TNFRSF10D: variants seen among roughly 807,000 people sequenced by gnomAD.
TNFRSF10D encodes tumor necrosis factor receptor superfamily member 10D.
Under a neutral mutation model 42.1 loss-of-function variants are expected in TNFRSF10D, and 28 were observed. That is an observed-to-expected ratio of 0.66 (90% CI 0.49 to 0.91). The LOEUF is 0.91. Among genes scored for constraint, TNFRSF10D ranks in the 40% least tolerant of loss-of-function variants. TNFRSF10D has a pLI of 0.00. For missense variants in TNFRSF10D, 503 were observed against 486.1 expected, an observed-to-expected ratio of 1.03 and a Z score of -0.33; for synonymous variants, 186 against 189.4, an observed-to-expected ratio of 0.98 and a Z score of 0.15.
rs35213435 is a variant in TNFRSF10D at position 23,145,779 on chromosome 8, G to T, written c.625C>A (p.Pro209Thr). 2.0e-3 allele frequency: 3,176 copies of T among 1,614,042 alleles called. 11 individuals are homozygous for T. In the African/African-American group the frequency reaches 0.037, roughly 19 times the overall value. ...ACTATGATGATAAGGTAGTGATAGG[G>T]AGAGGCAAGCATCCCCAGGATGGTG... ...VTTILGMLAS[P>T]YHYLIIIVVL... Residue 209 changes from proline (P) to threonine (T), a missense_variant, in exon 5 of 9, where the codon CCC (proline) becomes ACC (threonine). Coordinates refer to ENST00000312584, the MANE Select transcript of TNFRSF10D (RefSeq NM_003840.5).
chr8:23,149,527 C>T (rs1255318035), intron 2 of TNFRSF10D, among the ~76,000 whole-genome samples: 1 of 151,594 alleles, frequency 6.6e-6, no homozygotes, highest in Non-Finnish European at 1.5e-5. Context: ...GCGTGAGCCA[C>T]CATGCCACGC....
intron 2 of TNFRSF10D, among the ~76,000 whole-genome samples, chr8:23,153,839 T>C (rs188421057): frequency 6.2e-3 from 937 of 152,110 alleles, no homozygotes; most frequent in African/African-American, 0.019. Context: ...AAACATAGAA[T>C]AACTATATGA....
At chr8:23,149,473 A>G (rs568182173) in intron 2 of TNFRSF10D, among the ~76,000 whole-genome samples, 126 of 150,664 alleles carry the variant, frequency 8.4e-4, no homozygotes, top group Non-Finnish European at 1.5e-3. Flanking sequence ...TCCTGACCTC[A>G]GGTGATCCAC....
intron 5 of TNFRSF10D, 36 bp downstream of exon 5, chr8:23,145,632 C>T (rs200953872): frequency 1.2e-6 from 2 of 1,612,244 alleles, no homozygotes; most frequent in East Asian, 2.2e-5. Flanking sequence ...GCAGGGCAGA[C>T]AGTGCCCAGC....
Position 23,144,388 on chromosome 8 carries a change from A to T in TNFRSF10D, c.954+62T>A, listed in dbSNP as rs571836132. On this transcript the variant is annotated intron_variant, in intron 7 of 8. Coordinates refer to ENST00000312584, the MANE Select transcript of TNFRSF10D (RefSeq NM_003840.5). ...GAAAGAGGAGGCACTGCCATGTCCC[A>T]CTGTCTACAAAGTCCTGTGCAGGCT... 1.7e-3 allele frequency: 2,642 copies of T among 1,553,302 alleles called. 15 individuals carry two copies. The African/African-American group carries it at 0.019, about 11-fold the overall frequency.
chr8:23,157,597 C>T (rs1004330302), intron 1 of TNFRSF10D, among the ~76,000 whole-genome samples: 1 of 152,064 alleles, frequency 6.6e-6, no homozygotes, highest in East Asian at 1.9e-4. Flanking sequence ...GCCACTTTAC[C>T]GGGGTTTTCA....
At chr8:23,149,031 A>G (rs921054983) in intron 2 of TNFRSF10D, among the ~76,000 whole-genome samples, 1 of 151,360 alleles carries the variant, frequency 6.6e-6, no homozygotes, top group Non-Finnish European at 1.5e-5. Flanking sequence ...TCTACTAAAA[A>G]TACAAAAAAT....
intron 4 of TNFRSF10D, 81 bp from the exon 5 acceptor site, chr8:23,146,002 C>G (rs1800115045): frequency 6.3e-7 from 1 of 1,596,870 alleles, no homozygotes; most frequent in African/African-American, 1.4e-5. Context: ...ACCCTCCCTG[C>G]CCAAAGTCCC....
chr8:23,145,256 G>C (rs1475861800), intron 5 of TNFRSF10D, among the ~76,000 whole-genome samples, 167 bp from the exon 6 acceptor site: 5 of 152,206 alleles, frequency 3.3e-5, no homozygotes, highest in African/African-American at 1.2e-4. Flanking sequence ...CTGAGGAAGG[G>C]GGATGAGAAG....
intron 7 of TNFRSF10D, among the ~76,000 whole-genome samples, chr8:23,139,270 A>C (rs986408719): frequency 6.6e-6 from 1 of 152,042 alleles, no homozygotes; most frequent in African/African-American, 2.4e-5. Flanking sequence ...AGTTACAATA[A>C]AATACTTGAC....
At chr8:23,160,172 G>A (rs1800345103) in intron 1 of TNFRSF10D, among the ~76,000 whole-genome samples, 1 of 152,176 alleles carries the variant, frequency 6.6e-6, no homozygotes, top group Non-Finnish European at 1.5e-5. Context: ...GCTCCAGGAA[G>A]CAGGATTCAC....
At chr8:23,163,637 CCT>C (rs1186567814) in intron 1 of TNFRSF10D, 147 bp downstream of exon 1, 7 of 1,299,384 alleles carry the variant, frequency 5.4e-6, no homozygotes, top group Non-Finnish European at 7.3e-6. Flanking sequence ...CCACTCTTCC[CCT>C]GACTCCGACG....
At chr8:23,152,209 A>G (rs1800220710) in intron 2 of TNFRSF10D, among the ~76,000 whole-genome samples, 1 of 152,202 alleles carries the variant, frequency 6.6e-6, no homozygotes, top group South Asian at 2.1e-4. Flanking sequence ...AAACACAGGA[A>G]ACACAGAAGT....
intron 2 of TNFRSF10D, among the ~76,000 whole-genome samples, chr8:23,149,821 C>A (rs1196921075): frequency 6.6e-6 from 1 of 152,116 alleles, no homozygotes; most frequent in African/African-American, 2.4e-5. Context: ...CCAACCTCGT[C>A]TCTGTCTCAC....
chr8:23,160,654 C>T (rs1800353934), intron 1 of TNFRSF10D, among the ~76,000 whole-genome samples: 1 of 152,168 alleles, frequency 6.6e-6, no homozygotes, highest in Non-Finnish European at 1.5e-5. Context: ...ACAGCACAGG[C>T]TCGGGGCATG....
At chr8:23,148,029 C>A (rs1317644304) in intron 3 of TNFRSF10D, among the ~76,000 whole-genome samples, 4 of 140,120 alleles carry the variant, frequency 2.9e-5, no homozygotes, top group Non-Finnish European at 4.5e-5. Flanking sequence ...CGCGCCACTG[C>A]ACTCCAGCCT....
rs1461573526 is a variant in TNFRSF10D at position 23,135,791 on chromosome 8, A to G, written c.*2079T>C. 1 of 431,666 alleles carries G rather than the reference A, an allele frequency of 2.3e-6. No homozygotes were observed. The highest frequency in any genetic ancestry group is 4.6e-6 in the Non-Finnish European group (1 of 216,110). 26.7% of individuals were successfully genotyped at this position (431,666 alleles called of 1,614,324 possible). A position where few individuals can be genotyped will look rare whatever the true frequency, so the allele number is the denominator to read the frequency against. ...AACACTGATAAGGCTGGTAGTCTAGATGCATCTTCAAGGAAGGCCTCTGAG... is the reference window on the plus strand; with the variant it reads ...AACACTGATAAGGCTGGTAGTCTAGGTGCATCTTCAAGGAAGGCCTCTGAG... On this transcript the variant is annotated 3_prime_UTR_variant, in exon 9 of 9. Coordinates refer to ENST00000312584, the MANE Select transcript of TNFRSF10D (RefSeq NM_003840.5).
rs753347358 is a variant in TNFRSF10D, at chr8:23,154,895, T to C, written c.235A>G (p.Lys79Glu). ...GCACCTGCTGGACACTCCTCCTCCTTGAGGCTGCGCCTCTGTTGCTGTGGG... is the reference window on the plus strand; with the variant it reads ...GCACCTGCTGGACACTCCTCCTCCTCGAGGCTGCGCCTCTGTTGCTGTGGG... ...VAPQQQRRSLKEEECPAGSHR... is the reference protein window; with the variant it reads ...VAPQQQRRSLEEEECPAGSHR... Residue 79 changes from lysine to glutamate, a missense_variant, in exon 2 of 9, where the codon AAG (lysine) becomes GAG (glutamate). Coordinates refer to ENST00000312584, the MANE Select transcript of TNFRSF10D (RefSeq NM_003840.5). 1 of 1,613,830 alleles carries C rather than the reference T, an allele frequency of 6.2e-7. No individual in the cohort carries two copies. The highest frequency in any genetic ancestry group is 8.5e-7 in the Non-Finnish European group (1 of 1,179,840).
At chr8:23,149,688 G>A (rs774615145) in intron 2 of TNFRSF10D, among the ~76,000 whole-genome samples, 5 of 151,852 alleles carry the variant, frequency 3.3e-5, no homozygotes, top group Non-Finnish European at 4.4e-5. Flanking sequence ...ATCCCCCAGC[G>A]CCTGCACCCT....
Sources: allele counts gnomAD v4.1 joint callset (sites outside exome capture counted in the v4.1 genomes callset), GRCh38; gene constraint gnomAD v4.1.1; transcripts MANE v1.5; gene names NCBI Gene and HGNC (gene_info 2026-07-23, HGNC 2026-07-21).